PID1: variants seen among roughly 807,000 people sequenced by gnomAD.
PID1 encodes PTB-containing, cubilin and LRP1-interacting protein.
In PID1, 10 loss-of-function variants were observed where a neutral mutation model predicts 19.1. The observed-to-expected ratio is 0.52, with a 90% CI of 0.32 to 0.89. PID1 has a LOEUF of 0.89. Among genes scored for constraint, PID1 ranks in the 40% least tolerant of loss-of-function variants. The pLI is 0.03. For missense variants in PID1, 248 were observed against 285.3 expected (o/e 0.87, Z 0.94); for synonymous variants, 130 against 116.0 (o/e 1.12, Z -0.78).
intron 1 of PID1, among the ~76,000 whole-genome samples, chr2:229,182,452 TA>T (rs1230121303): frequency 6.6e-6 from 1 of 152,180 alleles, no homozygotes; most frequent in African/African-American, 2.4e-5. Flanking sequence ...TGAGTGATTT[TA>T]GGAAATTTAC....
intron 1 of PID1, among the ~76,000 whole-genome samples, chr2:229,227,122 A>C (rs1370360416): frequency 6.6e-6 from 1 of 152,238 alleles, no homozygotes; most frequent in Admixed American, 6.5e-5. Flanking sequence ...TTTTTAATGA[A>C]ATAATCATAA....
chr2:229,256,770 T>C (rs1377033668), intron 1 of PID1, among the ~76,000 whole-genome samples: 1 of 152,250 alleles, frequency 6.6e-6, no homozygotes, highest in Non-Finnish European at 1.5e-5. Context: ...AGTATTTATC[T>C]GACTCCCAAA....
At chr2:229,231,672 T>TCAGAAGAA (rs1312627252) in intron 1 of PID1, among the ~76,000 whole-genome samples, 1 of 152,042 alleles carries the variant, frequency 6.6e-6, no homozygotes, top group Admixed American at 6.6e-5. Flanking sequence ...TGGAGCTACT[T>TCAGAAGAA]CAGAAGAACA....
Position 229,037,348 on chromosome 2 carries a change from G to A in PID1, c.178-11240C>T, listed in dbSNP as rs368168146. On this transcript the variant is annotated intron_variant, in intron 2 of 2. Transcript: ENST00000392055. ...ACTATTTTTGAACTCTAGCAAAGAG[G>A]TGAACATTCCTTCAGCTGTTAAATA... is the stretch of plus-strand genomic sequence containing the variant. 7.9e-5 allele frequency among the ~76,000 whole-genome samples: 12 copies of A among 152,138 alleles called. No homozygotes were observed. The East Asian group carries it at 1.7e-3, about 22-fold the overall frequency.
chr2:229,218,299 A>T (rs1466540930), intron 1 of PID1, among the ~76,000 whole-genome samples: 2 of 148,114 alleles, frequency 1.4e-5, no homozygotes, highest in African/African-American at 2.5e-5. Context: ...TGAGCAAAAA[A>T]AAAAAAAAAA....
chr2:229,052,410 T>C (rs1369120375), intron 2 of PID1, among the ~76,000 whole-genome samples: 2 of 152,206 alleles, frequency 1.3e-5, no homozygotes, highest in Non-Finnish European at 2.9e-5. Context: ...TTAAAGATAG[T>C]TTAATTTTAA....
At chr2:229,055,192 T>G (rs1312279838) in intron 2 of PID1, among the ~76,000 whole-genome samples, 2 of 152,188 alleles carry the variant, frequency 1.3e-5, no homozygotes, top group Non-Finnish European at 2.9e-5. Flanking sequence ...CATGGGTGCC[T>G]GATGCAAGAA....
At chr2:229,142,024 C>A (rs747427762) in intron 2 of PID1, among the ~76,000 whole-genome samples, 3 of 151,880 alleles carry the variant, frequency 2.0e-5, no homozygotes, top group South Asian at 2.1e-4. Flanking sequence ...AATCCCCCTT[C>A]ATATTTAAAA....
intron 1 of PID1, among the ~76,000 whole-genome samples, chr2:229,198,499 C>A (rs1691425790): frequency 6.6e-6 from 1 of 152,044 alleles, no homozygotes; most frequent in Non-Finnish European, 1.5e-5. Flanking sequence ...CCTGTATACA[C>A]TTGCCTTCTT....
chr2:229,058,198 A>C (rs1694142470), intron 2 of PID1, among the ~76,000 whole-genome samples: 1 of 152,238 alleles, frequency 6.6e-6, no homozygotes, highest in South Asian at 2.1e-4. Context: ...ATGAACTATT[A>C]CTGGAAGTCT....
chr2:229,129,157 GC>G (rs1462686407), intron 2 of PID1, among the ~76,000 whole-genome samples: 1 of 152,200 alleles, frequency 6.6e-6, no homozygotes, highest in Non-Finnish European at 1.5e-5. Context: ...TTGAGCCCAA[GC>G]CCCGCTGTCT....
chr2:229,237,007 C>A (rs1689716145), intron 1 of PID1, among the ~76,000 whole-genome samples: 1 of 151,812 alleles, frequency 6.6e-6, no homozygotes, highest in Admixed American at 6.6e-5. Flanking sequence ...CACACACACA[C>A]ACACACACAC....
chr2:229,111,610 G>A (rs997434784), intron 2 of PID1, among the ~76,000 whole-genome samples: 1 of 152,058 alleles, frequency 6.6e-6, no homozygotes, highest in Non-Finnish European at 1.5e-5. Flanking sequence ...TTAAGTAATA[G>A]AAAATGAATA....
chr2:229,073,427 G>A (rs1314893726), intron 2 of PID1, among the ~76,000 whole-genome samples: 1 of 152,232 alleles, frequency 6.6e-6, no homozygotes, highest in Non-Finnish European at 1.5e-5. Flanking sequence ...ATCAAAAAAT[G>A]AGAGGAAAAT....
At chr2:229,056,291 C>T (rs923154144) in intron 2 of PID1, among the ~76,000 whole-genome samples, 11 of 152,088 alleles carry the variant, frequency 7.2e-5, no homozygotes, top group Admixed American at 2.0e-4. Context: ...TTGCCATTTA[C>T]GGTCACGAGA....
At chr2:229,084,941 C>T (rs1483176449) in intron 2 of PID1, among the ~76,000 whole-genome samples, 1 of 100,126 alleles carries the variant, frequency 1.0e-5, no homozygotes, top group Non-Finnish European at 2.6e-5. Context: ...GGAGATAGTT[C>T]ATTTCAGTAG....
In PID1 at chr2:229,032,867, A is replaced by T. The variant is rs527920481; in HGVS notation, c.178-6759T>A. Among the ~76,000 whole-genome samples the T allele has an allele frequency of 3.1e-4, 47 of 152,318 alleles. 1 individual carries two copies. Among genetic ancestry groups the T allele is most frequent in the African/African-American group, 1.1e-3 (47 of 41,572 alleles). On this transcript the variant is annotated intron_variant, in intron 2 of 2. Transcript: ENST00000392055. ...GAAGAAGTTATTTGAGAATATTCAC[A>T]GACTGTGAAAATATAGAGAGGCTGT... is the stretch of plus-strand genomic sequence containing the variant.
intron 2 of PID1, among the ~76,000 whole-genome samples, chr2:229,059,366 C>G (rs977145239): frequency 3.9e-5 from 6 of 152,236 alleles, no homozygotes; most frequent in Admixed American, 3.3e-4. Context: ...TCTTAGCTCT[C>G]ACTCATGGCA....
intron 2 of PID1, among the ~76,000 whole-genome samples, chr2:229,145,137 G>A (rs73998571): frequency 0.15 from 19,407 of 133,368 alleles, 1,615 homozygotes; most frequent in East Asian, 0.31. Context: ...CGAATGCTGA[G>A]TTTAAATATA....
Sources: gnomAD v4.1 joint callset for allele counts (sites outside exome capture counted in the v4.1 genomes callset) on GRCh38, gnomAD v4.1.1 for gene constraint, MANE v1.5 for transcripts, NCBI Gene and HGNC (gene_info 2026-07-23, HGNC 2026-07-21) for gene names.